The following TMEM108 variants were observed in gnomAD, a reference collection of about 807,000 sequenced individuals.
TMEM108 encodes transmembrane protein 108, also known as cancer/testis antigen 124.
A neutral mutation model predicts 35.1 loss-of-function variants in TMEM108; 12 were observed. The observed-to-expected ratio is 0.34, with a 90% confidence interval of 0.22 to 0.55. The LOEUF (loss-of-function observed/expected upper bound fraction) is 0.55. TMEM108 is among the 20% of genes least tolerant of loss of function. The pLI is 0.89. For missense variants in TMEM108, 680 were observed against 753.3 expected (o/e 0.90, Z 1.14); for synonymous variants, 287 against 308.6 (o/e 0.93, Z 0.73).
intron 3 of TMEM108, among the ~76,000 whole-genome samples, chr3:133,376,628 T>C (rs1225414193): frequency 6.6e-6 from 1 of 152,114 alleles, no homozygotes; most frequent in Non-Finnish European, 1.5e-5. Context: ...TGAGTGTTCT[T>C]TTCAGGCAGA....
intron 2 of TMEM108, among the ~76,000 whole-genome samples, chr3:133,070,088 A>T (rs190022031): frequency 1.3e-5 from 2 of 152,238 alleles, no homozygotes; most frequent in East Asian, 3.9e-4. Flanking sequence ...AACAGTACAG[A>T]GCACTTGTTT....
In TMEM108 at chr3:133,380,133, T is replaced by C; in HGVS notation, c.422T>C (p.Ile141Thr). The C allele has an allele frequency of 6.2e-7, 1 of 1,613,354 alleles. No individual in the cohort carries two copies. The highest frequency in any genetic ancestry group is 8.5e-7 in the Non-Finnish European group (1 of 1,179,828). ...GRPRGQAAPT[I>T]LLTKPPGATS... ...CCTCGAGGGCAGGCTGCCCCCACCATCCTGCTGACAAAGCCACCGGGGGCC... is the reference window on the plus strand; with the variant it reads ...CCTCGAGGGCAGGCTGCCCCCACCACCCTGCTGACAAAGCCACCGGGGGCC... The change falls in exon 4 of 6, where the codon ATC (isoleucine) becomes ACC (threonine). Residue 141 changes from isoleucine to threonine, a missense_variant. By Grantham distance (89) the Ile-to-Thr change is moderately conservative. Transcript: ENST00000321871. This position sits in a 1 kb window ranked among gnomAD's most constrained non-coding sequence, Gnocchi z 5.3.
intron 2 of TMEM108, among the ~76,000 whole-genome samples, chr3:133,195,655 C>G (rs1244232370): frequency 6.6e-6 from 1 of 152,114 alleles, no homozygotes; most frequent in African/African-American, 2.4e-5. Context: ...AGTAGACATG[C>G]AGGAAAAGTG....
chr3:133,104,444 A>T (rs957027479), intron 2 of TMEM108, among the ~76,000 whole-genome samples: 1 of 152,196 alleles, frequency 6.6e-6, no homozygotes, highest in African/African-American at 2.4e-5. Flanking sequence ...TGATAAATTC[A>T]GTGACTTTCA....
At chr3:133,240,937 A>C (rs1300509979) in intron 3 of TMEM108, among the ~76,000 whole-genome samples, 1 of 152,218 alleles carries the variant, frequency 6.6e-6, no homozygotes, top group African/African-American at 2.4e-5. Context: ...TTATTTAAAA[A>C]AAAAAGAAAA....
chr3:133,055,404 T>G (rs1269854385), intron 2 of TMEM108, among the ~76,000 whole-genome samples: 1 of 152,224 alleles, frequency 6.6e-6, no homozygotes, highest in East Asian at 1.9e-4. Context: ...GAAGATTCTT[T>G]AGCAACAATA....
intron 2 of TMEM108, among the ~76,000 whole-genome samples, chr3:133,121,279 A>G (rs1944349371): frequency 6.6e-6 from 1 of 152,240 alleles, no homozygotes; most frequent in Admixed American, 6.5e-5. Flanking sequence ...GAGGAGTGTT[A>G]TAATAGAACA....
At chr3:133,225,454 C>T (rs1354923674) in intron 2 of TMEM108, among the ~76,000 whole-genome samples, 1 of 152,134 alleles carries the variant, frequency 6.6e-6, no homozygotes, top group Non-Finnish European at 1.5e-5. Flanking sequence ...AGTCATTGAG[C>T]TGTTGTACCC....
chr3:133,154,271 T>C (rs1944844310), intron 2 of TMEM108, among the ~76,000 whole-genome samples: 1 of 152,080 alleles, frequency 6.6e-6, no homozygotes. Flanking sequence ...TTTCTTTTGC[T>C]GTGCAGAAGC....
intron 3 of TMEM108, among the ~76,000 whole-genome samples, chr3:133,286,139 A>G (rs1314176006): frequency 6.6e-6 from 1 of 152,220 alleles, no homozygotes; most frequent in African/African-American, 2.4e-5. Context: ...AAACATCAAG[A>G]CAAACATTAC....
chr3:133,387,850 C>T (rs142091143), intron 4 of TMEM108: 2 of 985,312 alleles, frequency 2.0e-6, no homozygotes, highest in South Asian at 9.4e-5. Context: ...CCCTTTTGCC[C>T]TATTGACTAG....
intron 2 of TMEM108, among the ~76,000 whole-genome samples, chr3:133,196,140 T>A (rs1443996517): frequency 1.3e-5 from 2 of 152,222 alleles, no homozygotes; most frequent in Non-Finnish European, 2.9e-5. Flanking sequence ...AATCTTCTTA[T>A]GTCTATGGCC....
intron 2 of TMEM108, among the ~76,000 whole-genome samples, chr3:133,124,134 A>G (rs1207163069): frequency 6.6e-6 from 1 of 152,226 alleles, no homozygotes; most frequent in Non-Finnish European, 1.5e-5. Context: ...AGATTAGATT[A>G]TAGATACTTC....
chr3:133,357,328 G>A (rs1276288538), intron 3 of TMEM108, among the ~76,000 whole-genome samples: 1 of 152,074 alleles, frequency 6.6e-6, no homozygotes, highest in African/African-American at 2.4e-5. Context: ...CACTGTTGGT[G>A]GAAATGTAAA....
chr3:133,241,662 CT>C (rs1946315769), intron 3 of TMEM108, among the ~76,000 whole-genome samples: 1 of 125,354 alleles, frequency 8.0e-6, no homozygotes, highest in South Asian at 2.8e-4. Context: ...TTTGTCCAGG[CT>C]GGAGTACAAT....
At chr3:133,053,166 AG>A (rs1943427224) in intron 2 of TMEM108, among the ~76,000 whole-genome samples, 1 of 152,172 alleles carries the variant, frequency 6.6e-6, no homozygotes, top group African/African-American at 2.4e-5. Context: ...CAGAAACCAC[AG>A]GGGGTTGTCT....
intron 2 of TMEM108, among the ~76,000 whole-genome samples, chr3:133,224,674 C>T (rs936166797): frequency 6.6e-6 from 1 of 152,106 alleles, no homozygotes. Flanking sequence ...TGCCTTCCAC[C>T]ATGATTGTGA....
chr3:133,274,369 C>T (rs886482082), intron 3 of TMEM108, among the ~76,000 whole-genome samples: 4 of 152,172 alleles, frequency 2.6e-5, no homozygotes, highest in African/African-American at 9.7e-5. Context: ...CTTCTCTTGC[C>T]TCAAACCTTT....
At chr3:133,387,770 A>G (rs1182130586) in intron 4 of TMEM108, 1 of 905,254 alleles carries the variant, frequency 1.1e-6, no homozygotes, top group African/African-American at 1.8e-5. Flanking sequence ...ACGCTGAGAG[A>G]GGTTAAGTAA....
Sources: gnomAD v4.1 joint callset for allele counts (sites outside exome capture counted in the v4.1 genomes callset) on GRCh38, gnomAD v4.1.1 for gene constraint, Gnocchi (gnomAD v3.1) non-coding constraint, MANE v1.5 for transcripts, NCBI Gene and HGNC (gene_info 2026-07-23, HGNC 2026-07-21) for gene names.